The following PRKAG2 variants were observed in gnomAD, a reference collection of about 807,000 sequenced individuals.
PRKAG2 encodes 5'-AMP-activated protein kinase subunit gamma-2.
Under a neutral mutation model 69.6 loss-of-function variants are expected in PRKAG2, and 26 were observed. The observed-to-expected ratio is 0.37, with a 90% CI of 0.27 to 0.52. The LOEUF is 0.52. PRKAG2 is among the 20% of genes least tolerant of loss of function. PRKAG2 has a pLI of 0.90. For synonymous variants in PRKAG2, 293 were observed against 285.0 expected, an observed-to-expected ratio of 1.03 and a Z score of -0.28; for missense variants, 557 against 740.0, an observed-to-expected ratio of 0.75 and a Z score of 2.87.
At position 151,632,215 on chromosome 7, in the gene PRKAG2, A is replaced by T; in HGVS notation, c.685-77T>A. On this transcript the variant is annotated intron_variant, in intron 4 of 15. Transcript: ENST00000287878. This position sits in a 1 kb window ranked among gnomAD's most constrained non-coding sequence, Gnocchi z 4.2. ...CGGCCGGCGGGCTCGCGGCCGGCCG[A>T]GCGCTGGGGCCTGGCTCTGCCGCGC... The T allele has an allele frequency of 8.8e-7, 1 of 1,136,552 alleles. No individual in the cohort carries two copies. The highest frequency in any genetic ancestry group is 1.1e-6 in the Non-Finnish European group (1 of 927,220). 70.4% of individuals were successfully genotyped at this position (1,136,552 alleles called of 1,614,324 possible). A position where few individuals can be genotyped will look rare whatever the true frequency, so the allele number is the denominator to read the frequency against.
Position 151,781,122 on chromosome 7 carries a change from C to T in PRKAG2, c.466+30G>A. On this transcript the variant is annotated intron_variant, in intron 3 of 15. Transcript: ENST00000287878. The surrounding 1 kb of genome is among the most constrained non-coding windows in gnomAD (Gnocchi z 6.1). Reference sequence around the variant, plus strand: ...GAAGAGACCCCCAGCACCCCAGCACCCACCTGAAACAATAGCATCAAGGTC... The same window carrying T: ...GAAGAGACCCCCAGCACCCCAGCACTCACCTGAAACAATAGCATCAAGGTC... 1 of 1,612,978 alleles carries T rather than the reference C, an allele frequency of 6.2e-7. No individual in the cohort carries two copies. The highest frequency in any genetic ancestry group is 1.7e-5 in the Admixed American group (1 of 60,014).
rs138244944 is a variant in PRKAG2 at position 151,701,503 on chromosome 7, G to A, written c.467-25866C>T. On this transcript the variant is annotated intron_variant, in intron 3 of 15. Coordinates refer to ENST00000287878, the MANE Select transcript of PRKAG2 (RefSeq NM_016203.4). ...AGGAAACGTGGACACAGATACACAG[G>A]GAGATGGAAGCTGAGATTGGAGCGG... is the stretch of plus-strand genomic sequence containing the variant. 1.4e-4 allele frequency among the ~76,000 whole-genome samples: 22 copies of A among 152,304 alleles called. 1 individual carries two copies. In the East Asian group the frequency reaches 4.2e-3, roughly 29 times the overall value.
At chr7:151,874,134 A>G (rs1303246774) in intron 1 of PRKAG2, among the ~76,000 whole-genome samples, 1 of 142,724 alleles carries the variant, frequency 7.0e-6, no homozygotes, top group Non-Finnish European at 1.5e-5. Flanking sequence ...TATGATGTAT[A>G]TGTATATATG....
chr7:151,782,370 AGG>A (rs1208282221), intron 2 of PRKAG2, among the ~76,000 whole-genome samples: 36,141 of 90,536 alleles, frequency 0.4, 9,822 homozygotes, highest in South Asian at 0.6. Context: ...GGAGGGAGGG[AGG>A]GAAGGAAAGA....
rs1183898695 is a variant in PRKAG2 at position 151,583,515 on chromosome 7, C to T, written c.865-7063G>A. Among the ~76,000 whole-genome samples, 5 of 152,162 alleles carry T rather than the reference C, an allele frequency of 3.3e-5. No individual in the cohort carries two copies. The highest frequency in any genetic ancestry group is 7.3e-5 in the Non-Finnish European group (5 of 68,038). On this transcript the variant is annotated intron_variant, in intron 6 of 15. Transcript: ENST00000287878. This position sits in a 1 kb window ranked among gnomAD's most constrained non-coding sequence, Gnocchi z 4.1. ...TTTGCAATAACGAGGCCTTCTAAAA[C>T]TTGGCTTTCTTAAGAACACGTGCAT... is the stretch of plus-strand genomic sequence containing the variant.
chr7:151,808,501 A>G (rs1056069958), intron 1 of PRKAG2, among the ~76,000 whole-genome samples: 14 of 152,094 alleles, frequency 9.2e-5, no homozygotes, highest in African/African-American at 3.4e-4. Context: ...AAGTGCACAC[A>G]AGGCATGGCT....
chr7:151,717,426 G>C (rs1796361360), intron 3 of PRKAG2, among the ~76,000 whole-genome samples: 1 of 152,168 alleles, frequency 6.6e-6, no homozygotes, highest in Non-Finnish European at 1.5e-5. Context: ...TTGCAGGGAG[G>C]CAAGAATAAT....
intron 3 of PRKAG2, among the ~76,000 whole-genome samples, chr7:151,767,611 C>T (rs548093040): frequency 2.0e-5 from 3 of 152,308 alleles, no homozygotes; most frequent in East Asian, 3.9e-4. Context: ...GTTTAATGCA[C>T]GCAGTTTGTG....
chr7:151,723,065 C>T, intron 3 of PRKAG2, among the ~76,000 whole-genome samples: 1 of 152,148 alleles, frequency 6.6e-6, no homozygotes, highest in Non-Finnish European at 1.5e-5. Context: ...TGCTAGTCAC[C>T]ATCTCTTTCT....
chr7:151,581,981 T>C (rs1226037160), intron 6 of PRKAG2, among the ~76,000 whole-genome samples: 1 of 152,110 alleles, frequency 6.6e-6, no homozygotes, highest in Non-Finnish European at 1.5e-5. Context: ...CAAATACATG[T>C]ATGGGAAAGT....
At chr7:151,677,867 G>A (rs912447055) in intron 3 of PRKAG2, among the ~76,000 whole-genome samples, 4 of 152,218 alleles carry the variant, frequency 2.6e-5, no homozygotes, top group Non-Finnish European at 4.4e-5. Context: ...CTGGGCTCTC[G>A]GAGTCTACTC....
At chr7:151,755,255 C>T (rs1192665111) in intron 3 of PRKAG2, among the ~76,000 whole-genome samples, 5 of 152,092 alleles carry the variant, frequency 3.3e-5, no homozygotes, top group South Asian at 2.1e-4. Context: ...TTGAAGGAAT[C>T]GGGAATCTGG....
intron 3 of PRKAG2, among the ~76,000 whole-genome samples, chr7:151,708,198 C>T (rs574340224): frequency 7.6e-4 from 116 of 152,334 alleles, no homozygotes; most frequent in Non-Finnish European, 1.3e-3. Context: ...ACCCTAAACT[C>T]TCCATGCAGC....
At chr7:151,786,379 G>T (rs2077008686) in intron 2 of PRKAG2, 91 bp downstream of exon 2, 1 of 1,274,384 alleles carries the variant, frequency 7.8e-7, no homozygotes, top group African/African-American at 1.5e-5. Context: ...GGGCGTGAGG[G>T]TGAACACACA....
chr7:151,829,610 C>T (rs900405657), intron 1 of PRKAG2, among the ~76,000 whole-genome samples: 1 of 151,910 alleles, frequency 6.6e-6, no homozygotes, highest in Non-Finnish European at 1.5e-5. Flanking sequence ...AGCCAAAAGG[C>T]GGAAACAACC....
chr7:151,741,152 CT>C (rs2073859130), intron 3 of PRKAG2, among the ~76,000 whole-genome samples: 1 of 151,122 alleles, frequency 6.6e-6, no homozygotes, highest in Non-Finnish European at 1.5e-5. Flanking sequence ...GGTCCAGGCT[CT>C]AGTGAGCCAT....
chr7:151,842,186 G>A (rs1475759814), intron 1 of PRKAG2, among the ~76,000 whole-genome samples: 28 of 140,994 alleles, frequency 2.0e-4, no homozygotes, highest in Non-Finnish European at 3.6e-4. Flanking sequence ...AGTGATGATG[G>A]TAGCAATGGT....
chr7:151,621,892 G>A (rs4725415), intron 5 of PRKAG2, among the ~76,000 whole-genome samples: 88,027 of 152,004 alleles, frequency 0.58, 26,030 homozygotes, highest in East Asian at 0.88. Flanking sequence ...TTTGATCAAC[G>A]TTACTTTTAA....
intron 1 of PRKAG2, among the ~76,000 whole-genome samples, chr7:151,848,403 C>A (rs913629731): frequency 2.6e-5 from 4 of 151,576 alleles, no homozygotes; most frequent in African/African-American, 9.7e-5. Context: ...ACCCTCGTCT[C>A]GGACTTTCCA....
Sources: allele counts gnomAD v4.1 joint callset (sites outside exome capture counted in the v4.1 genomes callset), GRCh38; gene constraint gnomAD v4.1.1; non-coding constraint Gnocchi (gnomAD v3.1); transcripts MANE v1.5; gene names NCBI Gene and HGNC (gene_info 2026-07-23, HGNC 2026-07-21).